The following MCM9 variants were observed in gnomAD, a reference collection of about 807,000 sequenced individuals.
MCM9 encodes the protein minichromosome maintenance 9 homologous recombination repair factor, also known as DNA helicase MCM9.
In MCM9, 55 loss-of-function variants were observed where a neutral mutation model predicts 72.8. The ratio of observed to expected loss-of-function variants is 0.76; its 90% CI spans 0.61 to 0.95. The LOEUF (loss-of-function observed/expected upper bound fraction) is 0.95, where lower values mean the gene tolerates loss of function less well. Ranked by LOEUF, MCM9 falls within the 40% of genes least tolerant of loss-of-function variation. The probability of loss-of-function intolerance (pLI) is 0.00; values close to 1 mark genes in which losing one functional copy is unlikely to be tolerated. For synonymous variants in MCM9, 480 were observed against 503.4 expected, an observed-to-expected ratio of 0.95 and a Z score of 0.62; for missense variants, 1,279 against 1,377.0, an observed-to-expected ratio of 0.93 and a Z score of 1.13.
intron 3 of MCM9, among the ~76,000 whole-genome samples, 198 bp downstream of exon 3, chr6:118,931,222 C>T (rs1296966400): frequency 2.0e-5 from 3 of 152,174 alleles, no homozygotes; most frequent in Non-Finnish European, 2.9e-5. Flanking sequence ...ATTCTCCCTC[C>T]CCTCAGTGGG....
At chr6:118,878,556 CAAT>C (rs1778084323) in intron 8 of MCM9, among the ~76,000 whole-genome samples, 1 of 151,676 alleles carries the variant, frequency 6.6e-6, no homozygotes. Flanking sequence ...ATTTGTATGA[CAAT>C]AATAGCACAA....
intron 13 of MCM9, among the ~76,000 whole-genome samples, chr6:118,820,169 G>A (rs914506615): frequency 6.6e-6 from 1 of 151,972 alleles, no homozygotes; most frequent in Non-Finnish European, 1.5e-5. Flanking sequence ...GCTAGCTTTT[G>A]AATTTGTTTG....
chr6:118,815,986 T>G lies in MCM9; in HGVS notation c.2270A>C (p.Asn757Thr). Reference sequence around the variant, plus strand: ...GGGATGAGGAGACACAACAACAGTGTTTTTAGGTTCACTCTGATGAGTTGC... The same window carrying G: ...GGGATGAGGAGACACAACAACAGTGGTTTTAGGTTCACTCTGATGAGTTGC... Reference protein sequence around the residue: ...FMATHQSEPKNTVVVSPHPKT... With the variant: ...FMATHQSEPKTTVVVSPHPKT... Residue 757 changes from asparagine (N) to threonine (T), a missense_variant, in exon 14 of 14, where the codon AAC becomes ACC. Asn to Thr is a moderately conservative substitution (Grantham distance 65, BLOSUM62 0). Coordinates refer to ENST00000619706, the MANE Select transcript of MCM9 (RefSeq NM_017696.3). 6.4e-7 allele frequency: 1 copy of G among 1,550,500 alleles called. No individual in the cohort carries two copies. Among genetic ancestry groups the G allele is most frequent in the Non-Finnish European group, 8.7e-7 (1 of 1,146,932 alleles).
chr6:118,893,997 CGCGGGCCTCCCA>C (rs1235782211), intron 8 of MCM9: 4 of 984,768 alleles, frequency 4.1e-6, no homozygotes, highest in East Asian at 2.3e-4. Context: ...GCGGCCTCCG[CGCGGGCCTCCCA>C]GCCCTTATTC....
At chr6:118,891,123 G>A (rs1778915055) in intron 8 of MCM9, among the ~76,000 whole-genome samples, 1 of 152,174 alleles carries the variant, frequency 6.6e-6, no homozygotes, top group African/African-American at 2.4e-5. Context: ...TCTCTGTAGA[G>A]GAGTCTTGAA....
Position 118,907,271 on chromosome 6 carries a change from G to C in MCM9, c.1150+4379C>G, listed in dbSNP as rs1414048687. On this transcript the variant is annotated intron_variant, in intron 8 of 13. Coordinates refer to ENST00000619706, the MANE Select transcript of MCM9 (RefSeq NM_017696.3). ...TAGTTATATTTAAGGTACTTAACTT[G>C]AATTATACCTTTGTATATGAACTTA... 30 of 636,168 alleles carry C rather than the reference G, an allele frequency of 4.7e-5. No individual in the cohort carries two copies. The South Asian group carries it at 6.0e-4, about 13-fold the overall frequency. 39.4% of individuals were successfully genotyped at this position (636,168 alleles called of 1,614,324 possible).
intron 9 of MCM9, among the ~76,000 whole-genome samples, chr6:118,847,746 T>C (rs1198555122): frequency 6.6e-6 from 1 of 151,752 alleles, no homozygotes; most frequent in African/African-American, 2.4e-5. Flanking sequence ...CTAGAAAAAC[T>C]GACCAGGAAT....
Position 118,834,784 on chromosome 6 carries a change from T to C in MCM9, c.1326-5534A>G, listed in dbSNP as rs575320109. Among the ~76,000 whole-genome samples the C allele has an allele frequency of 2.1e-3, 321 of 152,292 alleles. 9 individuals carry two copies. The South Asian group carries it at 0.049, about 23-fold the overall frequency. ...TGGCAGATGGACAGATTGCAAAAAT[T>C]TTCTCACATTCTGTAGGTTGCCTGT... is the stretch of plus-strand genomic sequence containing the variant. On this transcript the variant is annotated intron_variant, in intron 9 of 13. Transcript: ENST00000619706.
At chr6:118,894,710 G>A (rs1779229298) in intron 8 of MCM9, among the ~76,000 whole-genome samples, 1 of 152,240 alleles carries the variant, frequency 6.6e-6, no homozygotes, top group South Asian at 2.1e-4. Context: ...CGCAGCCCAG[G>A]CGCCTGCCGG....
intron 8 of MCM9, among the ~76,000 whole-genome samples, chr6:118,873,380 C>T (rs761321008): frequency 1.5e-4 from 23 of 152,042 alleles, no homozygotes; most frequent in Non-Finnish European, 2.8e-4. Context: ...TAAAATTCAT[C>T]GGCCTCTGGA....
intron 13 of MCM9, among the ~76,000 whole-genome samples, chr6:118,823,802 TTATATTTAAA>T (rs1163095430): frequency 1.3e-5 from 2 of 151,886 alleles, no homozygotes; most frequent in Non-Finnish European, 2.9e-5. Context: ...AGGAAATACC[TTATATTTAAA>T]TATATTTAAA....
chr6:118,932,544 C>T (rs923827607), intron 2 of MCM9, 63 bp downstream of exon 2: 1 of 907,964 alleles, frequency 1.1e-6, no homozygotes, highest in African/African-American at 1.8e-5. Context: ...TTCGTGTGCT[C>T]TCTCTCTCTT....
intron 8 of MCM9, among the ~76,000 whole-genome samples, chr6:118,862,128 G>C (rs755373946): frequency 9.9e-5 from 15 of 152,242 alleles, no homozygotes; most frequent in Non-Finnish European, 1.6e-4. Context: ...CAGGAGTGGG[G>C]AAAGGCCAGG....
chr6:118,867,946 A>T (rs997471716), intron 8 of MCM9, among the ~76,000 whole-genome samples: 7 of 140,128 alleles, frequency 5.0e-5, no homozygotes, highest in African/African-American at 1.8e-4. Context: ...GTGTGATCTC[A>T]GCTCACTGCA....
At chr6:118,868,093 T>C (rs1777341027) in intron 8 of MCM9, among the ~76,000 whole-genome samples, 1 of 152,040 alleles carries the variant, frequency 6.6e-6, no homozygotes. Flanking sequence ...GCCAGGCTCG[T>C]CTTGAACTCC....
intron 9 of MCM9, 74 bp downstream of exon 9, chr6:118,856,297 A>G: frequency 7.1e-7 from 1 of 1,413,348 alleles, no homozygotes; most frequent in South Asian, 1.4e-5. Context: ...TTATAGCTCA[A>G]CAAGGTTCAC....
In MCM9 at chr6:118,835,737, A is replaced by C. The variant is rs187596742; in HGVS notation, c.1326-6487T>G. ...CTTTGCTAAAGTTGCTTATCAGTTT[A>C]AGGAGATTTTGGGTGAGACAATGGG... On this transcript the variant is annotated intron_variant, in intron 9 of 13. Transcript: ENST00000619706. 2.6e-4 allele frequency among the ~76,000 whole-genome samples: 39 copies of C among 152,310 alleles called. No homozygotes were observed. In the East Asian group the frequency reaches 7.3e-3, roughly 29 times the overall value.
Position 118,814,728 on chromosome 6 carries a change from C to T in MCM9, c.*96G>A. The T allele has an allele frequency of 1.7e-6, 2 of 1,204,102 alleles. No homozygotes were observed. Among genetic ancestry groups the T allele is most frequent in the African/African-American group, 1.5e-5 (1 of 65,220 alleles). The allele number at this position is 1,204,102 out of a possible 1,614,324, so 74.6% of individuals were successfully genotyped here. ...GTATTCAGAGTGATCCTCAATATGG[C>T]CAATTGTTCTATACATTTATAAATA... On this transcript the variant is annotated 3_prime_UTR_variant, in exon 14 of 14. Coordinates refer to ENST00000619706, the MANE Select transcript of MCM9 (RefSeq NM_017696.3).
rs1161332892 is a variant in MCM9 at position 118,880,989 on chromosome 6, A to C, written c.1151-24444T>G. On this transcript the variant is annotated intron_variant, in intron 8 of 13. Transcript: ENST00000619706. ...CAAACCTAAGATAAGGTAATTTATAAATTAGGCACAGAGATTAACAAAAAA... is the reference window on the plus strand; with the variant it reads ...CAAACCTAAGATAAGGTAATTTATACATTAGGCACAGAGATTAACAAAAAA... Among the ~76,000 whole-genome samples the C allele has an allele frequency of 3.9e-5, 6 of 152,332 alleles. No homozygotes were observed. In the East Asian group the frequency reaches 5.8e-4, roughly 15 times the overall value.
Sources: gnomAD v4.1 joint callset for allele counts (sites outside exome capture counted in the v4.1 genomes callset) on GRCh38, gnomAD v4.1.1 for gene constraint, MANE v1.5 for transcripts, NCBI Gene and HGNC (gene_info 2026-07-23, HGNC 2026-07-21) for gene names.